ERG: variants seen among roughly 807,000 people sequenced by gnomAD.
ERG encodes the protein transcriptional regulator ERG.
ERG carries 9 observed loss-of-function variants against 55.3 expected under a neutral mutation model. The ratio of observed to expected loss-of-function variants is 0.16; its 90% CI spans 0.10 to 0.28. ERG has a LOEUF of 0.28. Ranked by LOEUF, ERG falls within the 10% of genes least tolerant of loss-of-function variation. ERG has a pLI of 1.00. For synonymous variants in ERG, 223 were observed against 237.3 expected (o/e 0.94, Z 0.55); for missense variants, 434 against 631.6 (o/e 0.69, Z 3.35).
chr21:38,600,113 T>C (rs2060155578), intron 1 of ERG, among the ~76,000 whole-genome samples: 1 of 152,158 alleles, frequency 6.6e-6, no homozygotes, highest in Non-Finnish European at 1.5e-5. Flanking sequence ...GCATATCAGA[T>C]AGACAAACAC....
chr21:38,600,401 T>C (rs1385096368), intron 1 of ERG, among the ~76,000 whole-genome samples: 6 of 152,008 alleles, frequency 3.9e-5, no homozygotes, highest in Non-Finnish European at 5.9e-5. Context: ...ACAGAAAACG[T>C]CCCCTGAAGG....
At chr21:38,559,605 A>T (rs2059880315) in intron 2 of ERG, among the ~76,000 whole-genome samples, 1 of 152,192 alleles carries the variant, frequency 6.6e-6, no homozygotes, top group Non-Finnish European at 1.5e-5. Context: ...TAACAAATAG[A>T]GTCAAAATGG....
intron 2 of ERG, among the ~76,000 whole-genome samples, chr21:38,531,684 T>C (rs1317174661): frequency 1.3e-5 from 2 of 152,260 alleles, no homozygotes; most frequent in Non-Finnish European, 2.9e-5. Flanking sequence ...GGTTTTCTTT[T>C]AGAAGCTGCA....
intron 3 of ERG, among the ~76,000 whole-genome samples, chr21:38,420,328 CTG>C (rs1251924014): frequency 1.3e-5 from 2 of 151,978 alleles, no homozygotes; most frequent in Non-Finnish European, 2.9e-5. Flanking sequence ...GTGTTCATCT[CTG>C]TGTGTGTATG....
chr21:38,456,040 G>C (rs1317649322), intron 1 of ERG, among the ~76,000 whole-genome samples: 1 of 152,138 alleles, frequency 6.6e-6, no homozygotes, highest in Admixed American at 6.5e-5. Context: ...CTAAAATGAG[G>C]GTCTGGTCTA....
intron 1 of ERG, among the ~76,000 whole-genome samples, chr21:38,637,246 C>A (rs555293377): frequency 6.6e-6 from 1 of 152,092 alleles, no homozygotes; most frequent in South Asian, 2.1e-4. Flanking sequence ...TGTGTTTCTG[C>A]CAGCCTTTCT....
chr21:38,455,885 G>C (rs2058984737), intron 1 of ERG, among the ~76,000 whole-genome samples: 1 of 124,218 alleles, frequency 8.1e-6, no homozygotes, highest in Non-Finnish European at 1.8e-5. Flanking sequence ...CCTCCCCACA[G>C]ACAGGTGTGT....
In ERG at chr21:38,380,807, T is replaced by C. The variant is rs1987395283; in HGVS notation, c.*2596A>G. 2 of 1,062,688 alleles carry C rather than the reference T, an allele frequency of 1.9e-6. No homozygotes were observed. Among genetic ancestry groups the C allele is most frequent in the Non-Finnish European group, 2.3e-6 (2 of 877,316 alleles). The allele number at this position is 1,062,688 out of a possible 1,614,324, so 65.8% of individuals were successfully genotyped here. ...AAACATCTGTTAAAATTGAATATGA[T>C]AATCATGTCTTGTTTTTATGATCTT... On this transcript the variant is annotated 3_prime_UTR_variant, in exon 10 of 10. Transcript: ENST00000288319.
intron 1 of ERG, among the ~76,000 whole-genome samples, chr21:38,632,840 T>G (rs957534206): frequency 6.6e-6 from 1 of 152,048 alleles, no homozygotes; most frequent in East Asian, 1.9e-4. Context: ...TGGAGGGTCC[T>G]CAAAAATTAA....
intron 2 of ERG, among the ~76,000 whole-genome samples, chr21:38,552,594 C>A (rs2059831166): frequency 6.6e-6 from 1 of 152,166 alleles, no homozygotes; most frequent in South Asian, 2.1e-4. Flanking sequence ...ACATGATCAT[C>A]TCAATAGCTG....
chr21:38,562,400 C>T (rs2059898191), intron 2 of ERG, among the ~76,000 whole-genome samples: 1 of 152,136 alleles, frequency 6.6e-6, no homozygotes, highest in Non-Finnish European at 1.5e-5. Flanking sequence ...GAAAACAGGG[C>T]TTTCCAGCCT....
At position 38,445,460 on chromosome 21, in the gene ERG, G is replaced by C. The variant is rs759156349; in HGVS notation, c.180C>G (p.Pro60=). 1.9e-6 allele frequency: 3 copies of C among 1,614,028 alleles called. No homozygotes were observed. Among genetic ancestry groups the C allele is most frequent in the Non-Finnish European group, 1.7e-6 (2 of 1,180,040 alleles). Residue 60 remains proline (P), a synonymous_variant, in exon 2 of 10, where the codon CCC becomes CCG. Coordinates refer to ENST00000288319, the MANE Select transcript of ERG (RefSeq NM_182918.4). ...CCATTTTGATGGTGACCCTGGCTGG[G>C]GGTTGAGACAGCCAATCCTGCTGAG... The part of the protein sequence containing the change: ...RVPQQDWLSQ[P]PARVTIKMEC...
intron 1 of ERG, among the ~76,000 whole-genome samples, chr21:38,604,251 CAAAAAA>C (rs397972884): frequency 1.1e-5 from 1 of 94,150 alleles, no homozygotes. Flanking sequence ...GAGACTCCGT[CAAAAAA>C]AAAAAAAAAA....
intron 1 of ERG, among the ~76,000 whole-genome samples, chr21:38,611,642 CA>C (rs2060228082): frequency 6.6e-6 from 1 of 152,206 alleles, no homozygotes; most frequent in South Asian, 2.1e-4. Flanking sequence ...TAACCCCCAA[CA>C]CTCTCCATTT....
chr21:38,446,323 T>C (rs2836407), intron 1 of ERG, among the ~76,000 whole-genome samples: 68,804 of 151,646 alleles, frequency 0.45, 16,512 homozygotes, highest in East Asian at 0.64. Context: ...CAAGCTCTTT[T>C]TTCCCCTTAC....
At chr21:38,651,741 C>T (rs117980332) in intron 1 of ERG, among the ~76,000 whole-genome samples, 2,932 of 152,236 alleles carry the variant, frequency 0.019, 37 homozygotes, top group Middle Eastern at 0.051. Flanking sequence ...TCGCTCCCTT[C>T]CGGTCACTTC....
intron 1 of ERG, among the ~76,000 whole-genome samples, chr21:38,613,852 C>T (rs775633645): frequency 6.6e-6 from 1 of 152,152 alleles, no homozygotes; most frequent in Non-Finnish European, 1.5e-5. Context: ...ACAGGCTGGG[C>T]CCCCCCTCTT....
Position 38,438,288 on chromosome 21 carries a change from T to C in ERG, c.236+7116A>G, listed in dbSNP as rs141889681. The stretch of plus-strand genomic sequence containing the variant: ...TAGCATTTACCATGATCTAACCTGC[T>C]GTGTTTTCATAAGTGGTCTGATGTC... On this transcript the variant is annotated intron_variant, in intron 2 of 9. Transcript: ENST00000288319. Among the ~76,000 whole-genome samples, 110 of 152,358 alleles carry C rather than the reference T, an allele frequency of 7.2e-4. No individual in the cohort carries two copies. In the East Asian group the frequency reaches 0.018, roughly 25 times the overall value.
chr21:38,429,084 T>C (rs978261960), intron 2 of ERG, among the ~76,000 whole-genome samples: 1 of 152,188 alleles, frequency 6.6e-6, no homozygotes, highest in Non-Finnish European at 1.5e-5. Flanking sequence ...ATCATTCTTA[T>C]GCTTTTGTGT....
Sources: gnomAD v4.1 joint callset for allele counts (sites outside exome capture counted in the v4.1 genomes callset) on GRCh38, gnomAD v4.1.1 for gene constraint, MANE v1.5 for transcripts, NCBI Gene and HGNC (gene_info 2026-07-23, HGNC 2026-07-21) for gene names.